MAD1L1: variants seen among roughly 807,000 people sequenced by gnomAD.
MAD1L1 encodes mitotic arrest deficient 1 like 1, also known as mitotic spindle assembly checkpoint protein MAD1.
A neutral mutation model predicts 96.9 loss-of-function variants in MAD1L1; 95 were observed. That is an observed-to-expected ratio of 0.98 (90% CI 0.83 to 1.16). MAD1L1 has a LOEUF of 1.16. MAD1L1 is among the 50% of genes most tolerant of loss of function. The pLI is 0.00. For synonymous variants in MAD1L1, 473 were observed against 396.6 expected (o/e 1.19, Z -2.29); for missense variants, 1,007 against 954.4 (o/e 1.06, Z -0.73).
At chr7:2,138,026 C>T (rs925798245) in intron 11 of MAD1L1, among the ~76,000 whole-genome samples, 3 of 152,254 alleles carry the variant, frequency 2.0e-5, no homozygotes, top group Non-Finnish European at 4.4e-5. Flanking sequence ...TCTGTACTGA[C>T]AGCGCGGGCC....
At chr7:2,015,940 A>G (rs142494447) in intron 12 of MAD1L1, among the ~76,000 whole-genome samples, 2,074 of 152,258 alleles carry the variant, frequency 0.014, 42 homozygotes, top group African/African-American at 0.047. Context: ...GAGATGGAGG[A>G]TGAGGATGCT....
intron 7 of MAD1L1, 63 bp downstream of exon 7, chr7:2,217,899 A>G (rs1793377761): frequency 1.4e-6 from 2 of 1,391,310 alleles, no homozygotes; most frequent in Non-Finnish European, 2.0e-6. Flanking sequence ...AAAGGCCGAC[A>G]GGGGCAGGAG....
At chr7:2,229,952 A>G (rs146089668) in intron 3 of MAD1L1, 32 bp downstream of exon 3, 3 of 1,609,150 alleles carry the variant, frequency 1.9e-6, no homozygotes, top group African/African-American at 2.7e-5. Context: ...GTCTCCCCAG[A>G]GCAGACTCCC....
intron 10 of MAD1L1, among the ~76,000 whole-genome samples, chr7:2,198,956 G>T (rs535752590): frequency 6.6e-6 from 1 of 152,192 alleles, no homozygotes; most frequent in Non-Finnish European, 1.5e-5. Flanking sequence ...ACAGAGAGAC[G>T]CGCTGTGGGG....
intron 18 of MAD1L1, among the ~76,000 whole-genome samples, chr7:1,888,232 G>A (rs1583665364): frequency 6.6e-6 from 1 of 150,646 alleles, no homozygotes; most frequent in South Asian, 2.1e-4. Context: ...ATGCATGCAT[G>A]TATGTGGCTG....
At chr7:1,981,719 A>G (rs1780915234) in intron 14 of MAD1L1, among the ~76,000 whole-genome samples, 1 of 152,150 alleles carries the variant, frequency 6.6e-6, no homozygotes, top group Non-Finnish European at 1.5e-5. Context: ...AGCCTGCCAG[A>G]CACCCAGGGT....
intron 17 of MAD1L1, among the ~76,000 whole-genome samples, chr7:1,903,680 G>A (rs1483781828): frequency 1.1e-4 from 15 of 141,938 alleles, no homozygotes; most frequent in East Asian, 4.4e-4. Context: ...TATGGAAGAC[G>A]CTCTTGCGGA....
intron 18 of MAD1L1, among the ~76,000 whole-genome samples, chr7:1,875,213 C>T (rs1317490709): frequency 6.6e-6 from 1 of 152,222 alleles, no homozygotes; most frequent in East Asian, 1.9e-4. Context: ...AGGGGCCCTG[C>T]TGCTGCCCTG....
intron 15 of MAD1L1, among the ~76,000 whole-genome samples, chr7:1,973,873 C>A (rs184765008): frequency 6.6e-6 from 1 of 152,324 alleles, no homozygotes; most frequent in Admixed American, 6.5e-5. Flanking sequence ...CACCAAGGTC[C>A]CTGCCATCAG....
chr7:1,986,685 C>A (rs918528973), intron 14 of MAD1L1, among the ~76,000 whole-genome samples: 2 of 152,196 alleles, frequency 1.3e-5, no homozygotes, highest in Non-Finnish European at 2.9e-5. Flanking sequence ...GCTTGGTTTG[C>A]AGCTGCATTT....
At chr7:1,965,618 C>T (rs554388227) in intron 15 of MAD1L1, among the ~76,000 whole-genome samples, 2 of 152,356 alleles carry the variant, frequency 1.3e-5, no homozygotes, top group African/African-American at 2.4e-5. Flanking sequence ...GTATGGACTC[C>T]CCGGCCCCCG....
intron 12 of MAD1L1, among the ~76,000 whole-genome samples, chr7:2,029,787 A>T (rs1023549200): frequency 2.6e-5 from 4 of 152,166 alleles, no homozygotes; most frequent in African/African-American, 9.7e-5. Flanking sequence ...CACCCAGGGC[A>T]GCAGAAGAGG....
At chr7:2,130,364 C>T (rs1788454221) in intron 11 of MAD1L1, among the ~76,000 whole-genome samples, 1 of 152,222 alleles carries the variant, frequency 6.6e-6, no homozygotes, top group Non-Finnish European at 1.5e-5. Context: ...CATTACAGCC[C>T]CCAACTCCCA....
chr7:2,165,635 G>A (rs1451495447), intron 10 of MAD1L1, among the ~76,000 whole-genome samples: 2 of 93,024 alleles, frequency 2.1e-5, no homozygotes, highest in Non-Finnish European at 4.7e-5. Context: ...AAACCAAGGT[G>A]GTGTCCACGG....
At chr7:1,852,451 C>T (rs1445972111) in intron 18 of MAD1L1, among the ~76,000 whole-genome samples, 1 of 152,178 alleles carries the variant, frequency 6.6e-6, no homozygotes, top group African/African-American at 2.4e-5. Context: ...GGAGTCCAGG[C>T]TCAGGATCCC....
chr7:1,936,679 G>T lies in MAD1L1; in HGVS notation c.1807+8C>A, dbSNP rs1283850131. On this transcript the variant is annotated splice_region_variant and intron_variant, in intron 17 of 18. Coordinates refer to ENST00000265854, the MANE Select transcript of MAD1L1 (RefSeq NM_001013836.2). Reference sequence around the variant, plus strand: ...GGATGGCAGGGACCGGGGGTGGGGGGTGCCTACCTGCCACCTCCTTGGACG... The same window carrying T: ...GGATGGCAGGGACCGGGGGTGGGGGTTGCCTACCTGCCACCTCCTTGGACG... 3 of 1,547,308 alleles carry T rather than the reference G, an allele frequency of 1.9e-6. No homozygotes were observed. Among genetic ancestry groups the T allele is most frequent in the South Asian group, 2.4e-5 (2 of 83,984 alleles).
chr7:2,211,064 C>T (rs940799863), intron 10 of MAD1L1, among the ~76,000 whole-genome samples: 1 of 152,218 alleles, frequency 6.6e-6, no homozygotes, highest in African/African-American at 2.4e-5. Context: ...ATCCAGCCTC[C>T]GAAGAACTAT....
intron 10 of MAD1L1, among the ~76,000 whole-genome samples, chr7:2,163,923 T>A (rs1790292010): frequency 6.6e-6 from 1 of 151,962 alleles, no homozygotes. Context: ...CTGCAAACCA[T>A]CCCAAGCATA....
intron 18 of MAD1L1, among the ~76,000 whole-genome samples, chr7:1,819,058 C>T (rs1203707197): frequency 3.9e-5 from 6 of 152,102 alleles, no homozygotes; most frequent in Admixed American, 3.3e-4. Flanking sequence ...TCTAACGCTC[C>T]GGCATTAGCA....
Sources: gnomAD v4.1 joint callset for allele counts (sites outside exome capture counted in the v4.1 genomes callset) on GRCh38, gnomAD v4.1.1 for gene constraint, MANE v1.5 for transcripts, NCBI Gene and HGNC (gene_info 2026-07-23, HGNC 2026-07-21) for gene names.